PTPRA: variants seen among roughly 807,000 people sequenced by gnomAD.
The protein encoded by PTPRA is receptor-type tyrosine-protein phosphatase alpha.
Under a neutral mutation model 104.8 loss-of-function variants are expected in PTPRA, and 25 were observed. The observed-to-expected ratio is 0.24, with a 90% CI of 0.17 to 0.33. The LOEUF (loss-of-function observed/expected upper bound fraction) is 0.33. PTPRA is among the 10% of genes least tolerant of loss of function. The pLI is 1.00. For synonymous variants in PTPRA, 323 were observed against 368.9 expected (o/e 0.88, Z 1.43); for missense variants, 765 against 1,015.3 (o/e 0.75, Z 3.35).
intron 2 of PTPRA, among the ~76,000 whole-genome samples, chr20:2,927,648 G>A (rs2060350957): frequency 6.6e-6 from 1 of 152,092 alleles, no homozygotes; most frequent in Admixed American, 6.5e-5. Flanking sequence ...TTTCTTTGAC[G>A]GGGGTGCAGG....
chr20:3,024,874 T>C lies in PTPRA; in HGVS notation c.1614+253T>C, dbSNP rs536926748. ...CCCTAGCCCTCCGAGGTGATTATGA[T>C]ACACAGCAAGAGCAGTTTTTTCTGT... On this transcript the variant is annotated intron_variant, in intron 17 of 23. Transcript: ENST00000399903. 1.6e-4 allele frequency among the ~76,000 whole-genome samples: 22 copies of C among 135,386 alleles called. 1 individual carries two copies. Among genetic ancestry groups the C allele is most frequent in the Admixed American group, 1.4e-3 (19 of 13,214 alleles). The allele number at this position is 135,386 out of a possible 152,430, so 88.8% of individuals were successfully genotyped here. A position where few individuals can be genotyped will look rare whatever the true frequency, so the allele number is the denominator to read the frequency against.
chr20:2,890,389 C>G (rs1189461980), intron 1 of PTPRA, among the ~76,000 whole-genome samples: 1 of 152,158 alleles, frequency 6.6e-6, no homozygotes, highest in Non-Finnish European at 1.5e-5. Flanking sequence ...CTGAGACTCA[C>G]TTTTGTCACC....
At chr20:2,980,481 A>G (rs1165992744) in intron 6 of PTPRA, among the ~76,000 whole-genome samples, 1 of 151,948 alleles carries the variant, frequency 6.6e-6, no homozygotes, top group Non-Finnish European at 1.5e-5. Context: ...TCGAACCAGG[A>G]GGCCGTTGCA....
At chr20:2,968,346 T>G (rs964266678) in intron 5 of PTPRA, among the ~76,000 whole-genome samples, 7 of 152,194 alleles carry the variant, frequency 4.6e-5, no homozygotes, top group Non-Finnish European at 8.8e-5. Context: ...GATCTTCTCT[T>G]TATCATCAGT....
intron 1 of PTPRA, among the ~76,000 whole-genome samples, chr20:2,892,118 T>TG (rs990670574): frequency 2.0e-5 from 3 of 151,562 alleles, no homozygotes; most frequent in African/African-American, 7.3e-5. Flanking sequence ...GGTGAAACCG[T>TG]GTCTCTACTA....
chr20:3,036,464 C>T (rs1467676530), intron 22 of PTPRA, among the ~76,000 whole-genome samples: 1 of 152,230 alleles, frequency 6.6e-6, no homozygotes, highest in Non-Finnish European at 1.5e-5. Context: ...ATGGTGTGCA[C>T]CATGGGCTGG....
In PTPRA at chr20:3,035,208, G is replaced by C. The variant is rs541745761; in HGVS notation, c.1921-377G>C. On this transcript the variant is annotated intron_variant, in intron 20 of 23. Coordinates refer to ENST00000399903, the MANE Select transcript of PTPRA (RefSeq NM_001385305.1). The surrounding 1 kb of genome is among the most constrained non-coding windows in gnomAD (Gnocchi z 5.8). Reference sequence around the variant, plus strand: ...CTGTGTGGGAATGTGAATTGGTTCTGATTTTCTGAATTAGCAGTCTGGCGG... The same window carrying C: ...CTGTGTGGGAATGTGAATTGGTTCTCATTTTCTGAATTAGCAGTCTGGCGG... 6.6e-6 allele frequency among the ~76,000 whole-genome samples: 1 copy of C among 152,304 alleles called. No homozygotes were observed. The highest frequency in any genetic ancestry group is 2.4e-5 in the African/African-American group (1 of 41,564).
chr20:2,953,313 GGC>G, intron 3 of PTPRA, among the ~76,000 whole-genome samples: 1 of 151,758 alleles, frequency 6.6e-6, no homozygotes, highest in Non-Finnish European at 1.5e-5. Context: ...GAAGTGTAGT[GGC>G]GCAATCTCGG....
At chr20:2,958,854 A>G (rs2061640526) in intron 3 of PTPRA, among the ~76,000 whole-genome samples, 1 of 150,862 alleles carries the variant, frequency 6.6e-6, no homozygotes, top group African/African-American at 2.4e-5. Flanking sequence ...CAAAAAAAAA[A>G]AAAAAAAAAA....
chr20:2,888,901 A>T (rs2058696165), intron 1 of PTPRA, among the ~76,000 whole-genome samples: 1 of 152,172 alleles, frequency 6.6e-6, no homozygotes, highest in Non-Finnish European at 1.5e-5. Context: ...TTGAGATGAG[A>T]TGTTCTTACC....
Position 3,022,098 on chromosome 20 carries a change from G to A in PTPRA, c.1206G>A (p.Gln402=), listed in dbSNP as rs1316532824. 6.2e-7 allele frequency: 1 copy of A among 1,614,226 alleles called. No individual in the cohort carries two copies. Among genetic ancestry groups the A allele is most frequent in the South Asian group, 1.1e-5 (1 of 91,092 alleles). The change falls in exon 15 of 24, where the codon CAG becomes CAA. Residue 402 remains glutamine (Q), a synonymous_variant. Coordinates refer to ENST00000399903, the MANE Select transcript of PTPRA (RefSeq NM_001385305.1). The surrounding 1 kb of genome is among the most constrained non-coding windows in gnomAD (Gnocchi z 4.6). Reference sequence around the variant, plus strand: ...GAAAGCCACAGCGCCTCATCACTCAGTTCCACTTTACCAGCTGGCCAGACT... The same window carrying A: ...GAAAGCCACAGCGCCTCATCACTCAATTCCACTTTACCAGCTGGCCAGACT... ...TNRKPQRLIT[Q]FHFTSWPDFG...
rs968428142 is a variant in PTPRA, at chr20:2,974,029, G to T, written c.416-1186G>T. 2.0e-5 allele frequency among the ~76,000 whole-genome samples: 3 copies of T among 147,680 alleles called. No homozygotes were observed. In the Admixed American group the frequency reaches 2.1e-4, roughly 10 times the overall value. On this transcript the variant is annotated intron_variant, in intron 5 of 23. Coordinates refer to ENST00000399903, the MANE Select transcript of PTPRA (RefSeq NM_001385305.1). ...TGCAGTGGCGTGATCTCTGCTCACCGCAAGCTCTGCCTCCTGGTTCACGCC... is the reference window on the plus strand; with the variant it reads ...TGCAGTGGCGTGATCTCTGCTCACCTCAAGCTCTGCCTCCTGGTTCACGCC...
intron 9 of PTPRA, among the ~76,000 whole-genome samples, chr20:3,000,306 G>A (rs546590185): frequency 6.6e-6 from 1 of 152,090 alleles, no homozygotes; most frequent in African/African-American, 2.4e-5. Flanking sequence ...TAATCCAGTA[G>A]GACAACGGGG....
At chr20:3,031,513 A>G (rs2065453227) in intron 20 of PTPRA, among the ~76,000 whole-genome samples, 1 of 151,884 alleles carries the variant, frequency 6.6e-6, no homozygotes, top group South Asian at 2.1e-4. Context: ...CACCATGTGG[A>G]TGATCCATCT....
intron 2 of PTPRA, among the ~76,000 whole-genome samples, chr20:2,945,623 A>ATATT (rs1393211131): frequency 6.6e-5 from 10 of 150,396 alleles, no homozygotes; most frequent in South Asian, 2.1e-4. Context: ...AAATAAATAA[A>ATATT]TATTTATTTA....
chr20:3,022,279 AG>A lies in PTPRA; in HGVS notation c.1328+63del, dbSNP rs2064915395. On this transcript the variant is annotated intron_variant, in intron 15 of 23. Transcript: ENST00000399903. This position sits in a 1 kb window ranked among gnomAD's most constrained non-coding sequence, Gnocchi z 4.6. Reference sequence around the variant, plus strand: ...CACATTTCGCCCCCATGGCCAGAGCAGGGGAACAGCACAAGGGCCCTGGCTG... The same window carrying A: ...CACATTTCGCCCCCATGGCCAGAGCAGGGAACAGCACAAGGGCCCTGGCTG... 14 of 1,581,826 alleles carry A rather than the reference AG, an allele frequency of 8.9e-6. No homozygotes were observed. The highest frequency in any genetic ancestry group is 1.1e-5 in the Non-Finnish European group (13 of 1,158,014).
intron 2 of PTPRA, among the ~76,000 whole-genome samples, chr20:2,940,877 T>A (rs6084208): frequency 0.13 from 19,569 of 152,202 alleles, 1,574 homozygotes; most frequent in East Asian, 0.28. Context: ...AGTGAAACCA[T>A]TGTCCCTTTC....
intron 5 of PTPRA, among the ~76,000 whole-genome samples, chr20:2,972,113 G>A (rs911178469): frequency 2.6e-5 from 4 of 152,132 alleles, no homozygotes; most frequent in African/African-American, 9.7e-5. Context: ...ATAGGTGTGA[G>A]CCACTGCGCC....
At chr20:2,910,578 G>GTTTTTTTT (rs1245304127) in intron 1 of PTPRA, among the ~76,000 whole-genome samples, 1 of 32,428 alleles carries the variant, frequency 3.1e-5, no homozygotes, top group South Asian at 1.6e-3. Context: ...TGCCCAGCTA[G>GTTTTTTTT]TTTTTTTTTT....
Sources: allele counts gnomAD v4.1 joint callset (sites outside exome capture counted in the v4.1 genomes callset), GRCh38; gene constraint gnomAD v4.1.1; non-coding constraint Gnocchi (gnomAD v3.1); transcripts MANE v1.5; gene names NCBI Gene and HGNC (gene_info 2026-07-23, HGNC 2026-07-21).